ARHGAP15: variants seen among roughly 807,000 people sequenced by gnomAD.
ARHGAP15 encodes the protein rho GTPase-activating protein 15.
A neutral mutation model predicts 63.7 loss-of-function variants in ARHGAP15; 51 were observed. The observed-to-expected ratio is 0.80, with a 90% CI of 0.64 to 1.01. The LOEUF is 1.01. Among genes scored for constraint, ARHGAP15 ranks in the 50% least tolerant of loss-of-function variants. The pLI is 0.00. For missense variants in ARHGAP15, 560 were observed against 564.6 expected (o/e 0.99, Z 0.08); for synonymous variants, 191 against 193.8 (o/e 0.99, Z 0.12).
At chr2:143,484,424 C>T (rs779988121) in intron 8 of ARHGAP15, among the ~76,000 whole-genome samples, 10 of 151,454 alleles carry the variant, frequency 6.6e-5, no homozygotes, top group Non-Finnish European at 1.2e-4. Flanking sequence ...CCCAGCTACT[C>T]GGGAGGCTGA....
chr2:143,339,444 A>G (rs531038761), intron 6 of ARHGAP15, among the ~76,000 whole-genome samples: 1 of 152,270 alleles, frequency 6.6e-6, no homozygotes, highest in Admixed American at 6.5e-5. Context: ...AGCAAAGATG[A>G]ATTATAGGAA....
intron 8 of ARHGAP15, among the ~76,000 whole-genome samples, chr2:143,485,232 T>C (rs1692272735): frequency 6.6e-6 from 1 of 152,124 alleles, no homozygotes; most frequent in Admixed American, 6.5e-5. Context: ...CCTAATGCTC[T>C]CCCTCCCCTT....
chr2:143,341,660 G>C (rs1163166111), intron 6 of ARHGAP15, among the ~76,000 whole-genome samples: 1 of 152,000 alleles, frequency 6.6e-6, no homozygotes, highest in Non-Finnish European at 1.5e-5. Flanking sequence ...ACTCATGTAA[G>C]TTCCTAAAAT....
rs560001321 is a variant in ARHGAP15, at chr2:143,444,219, C to T, written c.703+7177C>T. Among the ~76,000 whole-genome samples the T allele has an allele frequency of 5.9e-5, 9 of 152,192 alleles. No individual in the cohort carries two copies. The South Asian group carries it at 1.5e-3, about 25-fold the overall frequency. ...TGGCATCTTGCTTTCAATAATAGGG[C>T]AAATCCAGAGGGCTCTTTGCTCTAA... is the stretch of plus-strand genomic sequence containing the variant. On this transcript the variant is annotated intron_variant, in intron 8 of 13. Transcript: ENST00000295095.
intron 13 of ARHGAP15, among the ~76,000 whole-genome samples, chr2:143,736,894 C>T (rs1685766491): frequency 6.6e-6 from 1 of 152,240 alleles, no homozygotes; most frequent in African/African-American, 2.4e-5. Flanking sequence ...TCACCCAGAT[C>T]TATCCCTACC....
intron 6 of ARHGAP15, among the ~76,000 whole-genome samples, chr2:143,420,843 G>T (rs902579495): frequency 6.6e-6 from 1 of 152,142 alleles, no homozygotes; most frequent in Non-Finnish European, 1.5e-5. Context: ...AACCACATGT[G>T]CTATATTTGC....
rs115125972 is a variant in ARHGAP15 at position 143,285,383 on chromosome 2, G to A, written c.474+34783G>A. ...CAAACTATCATTACAAAATCTATGT[G>A]AAATATAAATCAGGCAATTGACAGT... On this transcript the variant is annotated intron_variant, in intron 6 of 13. Coordinates refer to ENST00000295095, the MANE Select transcript of ARHGAP15 (RefSeq NM_018460.4). 3.8e-3 allele frequency among the ~76,000 whole-genome samples: 582 copies of A among 152,078 alleles called. 5 individuals carry two copies. Among genetic ancestry groups the A allele is most frequent in the African/African-American group, 0.013 (552 of 41,494 alleles).
intron 6 of ARHGAP15, among the ~76,000 whole-genome samples, chr2:143,256,932 A>T (rs1002728131): frequency 6.6e-6 from 1 of 152,148 alleles, no homozygotes; most frequent in African/African-American, 2.4e-5. Context: ...AAGAAGATGG[A>T]TGGAAAGTAC....
chr2:143,406,634 A>T (rs1357117359), intron 6 of ARHGAP15, among the ~76,000 whole-genome samples: 1 of 151,852 alleles, frequency 6.6e-6, no homozygotes, highest in African/African-American at 2.4e-5. Context: ...TGCTTTATAT[A>T]CTTTATTTAA....
In ARHGAP15 at chr2:143,330,007, G is replaced by A. The variant is rs540065253; in HGVS notation, c.474+79407G>A. Among the ~76,000 whole-genome samples, 14 of 139,260 alleles carry A rather than the reference G, an allele frequency of 1.0e-4. 1 individual carries two copies. The highest frequency in any genetic ancestry group is 3.9e-3 in the Middle Eastern group (1 of 258). 91.4% of individuals were successfully genotyped at this position (139,260 alleles called of 152,430 possible). A position where few individuals can be genotyped will look rare whatever the true frequency, so the allele number is the denominator to read the frequency against. ...CTCAGGAGCCTGAAGCAGGAGAATC[G>A]CTTGAGCCCAGGAGGCAGAGGTTGC... is the stretch of plus-strand genomic sequence containing the variant. On this transcript the variant is annotated intron_variant, in intron 6 of 13. Coordinates refer to ENST00000295095, the MANE Select transcript of ARHGAP15 (RefSeq NM_018460.4).
intron 6 of ARHGAP15, among the ~76,000 whole-genome samples, chr2:143,405,011 A>G (rs1457430456): frequency 6.6e-6 from 1 of 151,926 alleles, no homozygotes; most frequent in Non-Finnish European, 1.5e-5. Context: ...CATGAAAACA[A>G]TCTGTAGGTT....
chr2:143,637,621 C>T (rs1020650642), intron 12 of ARHGAP15, among the ~76,000 whole-genome samples: 5 of 151,946 alleles, frequency 3.3e-5, no homozygotes, highest in African/African-American at 9.7e-5. Context: ...TCCATATTTA[C>T]GTCCTCAAAT....
At position 143,235,641 on chromosome 2, in the gene ARHGAP15, C is replaced by T. The variant is rs1241284087; in HGVS notation, c.384+6973C>T. On this transcript the variant is annotated intron_variant, in intron 5 of 13. Coordinates refer to ENST00000295095, the MANE Select transcript of ARHGAP15 (RefSeq NM_018460.4). ...TCAGTGGTATGTGTCTTAAAAGAGCCAGGCCTATTGTAGGGCCAAAGCAAG... is the reference window on the plus strand; with the variant it reads ...TCAGTGGTATGTGTCTTAAAAGAGCTAGGCCTATTGTAGGGCCAAAGCAAG... 5.3e-5 allele frequency among the ~76,000 whole-genome samples: 8 copies of T among 152,162 alleles called. No homozygotes were observed. The East Asian group carries it at 1.5e-3, about 29-fold the overall frequency.
In ARHGAP15 at chr2:143,624,208, G is replaced by A. The variant is rs750911310; in HGVS notation, c.1079G>A (p.Arg360Gln). The change falls in exon 12 of 14, where the codon CGG (arginine) becomes CAG (glutamine). Residue 360 changes from arginine to glutamine, a missense_variant. By Grantham distance (43) the Arg-to-Gln change is conservative. Transcript: ENST00000295095. Reference sequence around the variant, plus strand: ...ACCGGAGCACTGAAGATGTTTTTCCGGGAGCTGCCTGAGCCGCTCTTCCCT... The same window carrying A: ...ACCGGAGCACTGAAGATGTTTTTCCAGGAGCTGCCTGAGCCGCTCTTCCCT... ...VVTGALKMFF[R>Q]ELPEPLFPYS... 6 of 1,613,356 alleles carry A rather than the reference G, an allele frequency of 3.7e-6. No homozygotes were observed. The highest frequency in any genetic ancestry group is 2.7e-5 in the African/African-American group (2 of 74,816).
chr2:143,672,806 A>G (rs2105351753), intron 12 of ARHGAP15, among the ~76,000 whole-genome samples: 1 of 152,324 alleles, frequency 6.6e-6, no homozygotes, highest in South Asian at 2.1e-4. Context: ...GTTGATTGAA[A>G]CTATAGTTTG....
At chr2:143,518,989 C>T in intron 9 of ARHGAP15, 1 of 216,674 alleles carries the variant, frequency 4.6e-6, no homozygotes, top group Non-Finnish European at 9.2e-6. Context: ...CTTTATAGAC[C>T]ACAAAATTAA....
chr2:143,202,057 G>A (rs1692139949), intron 2 of ARHGAP15, 77 bp from the exon 3 acceptor site: 4 of 1,077,136 alleles, frequency 3.7e-6, no homozygotes, highest in Non-Finnish European at 5.8e-6. Context: ...ACACTGAATT[G>A]GTTATTTTAT....
intron 12 of ARHGAP15, among the ~76,000 whole-genome samples, chr2:143,631,178 T>C (rs1164563686): frequency 1.3e-5 from 2 of 152,142 alleles, no homozygotes; most frequent in Non-Finnish European, 2.9e-5. Context: ...CATTAATGAG[T>C]AATATTTCAT....
chr2:143,391,244 G>T (rs1157548430), intron 6 of ARHGAP15, among the ~76,000 whole-genome samples: 1 of 152,156 alleles, frequency 6.6e-6, no homozygotes, highest in Non-Finnish European at 1.5e-5. Context: ...AAATGTAGTT[G>T]ATAATCACCT....
Sources: allele counts gnomAD v4.1 joint callset (sites outside exome capture counted in the v4.1 genomes callset), GRCh38; gene constraint gnomAD v4.1.1; transcripts MANE v1.5; gene names NCBI Gene and HGNC (gene_info 2026-07-23, HGNC 2026-07-21).